Variants in GSS observed in about 807,000 individuals in gnomAD.
The protein encoded by GSS is glutathione synthetase.
Under a neutral mutation model 60.4 loss-of-function variants are expected in GSS, and 34 were observed. That is an observed-to-expected ratio of 0.56 (90% CI 0.43 to 0.75). The LOEUF (loss-of-function observed/expected upper bound fraction) is 0.75. Among genes scored for constraint, GSS ranks in the 30% least tolerant of loss-of-function variants. The pLI is 0.00. For synonymous variants in GSS, 224 were observed against 239.0 expected (o/e 0.94, Z 0.58); for missense variants, 499 against 595.1 (o/e 0.84, Z 1.68).
intron 11 of GSS, among the ~76,000 whole-genome samples, chr20:34,930,264 C>CAA (rs34585562): frequency 0.064 from 8,352 of 130,474 alleles, 804 homozygotes; most frequent in African/African-American, 0.22. Flanking sequence ...GAATCCGTCT[C>CAA]AAAAAAAAAA....
At chr20:34,943,695 C>A (rs753382657) in intron 3 of GSS, among the ~76,000 whole-genome samples, 1 of 152,172 alleles carries the variant, frequency 6.6e-6, no homozygotes, top group Non-Finnish European at 1.5e-5. Flanking sequence ...GAACTAAGAA[C>A]CACTCCTTTA....
At chr20:34,946,180 G>T in intron 2 of GSS, 82 bp from the exon 3 acceptor site, 2 of 1,232,314 alleles carry the variant, frequency 1.6e-6, no homozygotes, top group Non-Finnish European at 2.3e-6. Flanking sequence ...CCCATGGAAA[G>T]TCTGGCCTAT....
At position 34,951,853 on chromosome 20, in the gene GSS, C is replaced by T; in HGVS notation, c.-1G>A. On this transcript the variant is annotated 5_prime_UTR_variant, in exon 2 of 13. Transcript: ENST00000651619. ...AGAGGCTCCCCCAGTTGGTGGCCAT[C>T]CCAACACCTGCAAAAGATGGAGAGA... The T allele has an allele frequency of 6.2e-7, 1 of 1,614,108 alleles. No individual in the cohort carries two copies. The highest frequency in any genetic ancestry group is 1.1e-5 in the South Asian group (1 of 91,076).
intron 11 of GSS, among the ~76,000 whole-genome samples, chr20:34,930,259 C>A (rs936103271): frequency 1.5e-5 from 2 of 133,872 alleles, no homozygotes; most frequent in South Asian, 4.9e-4. Context: ...AGCGAGAATC[C>A]GTCTCAAAAA....
intron 1 of GSS, 86 bp from the exon 2 acceptor site, chr20:34,951,946 C>G: frequency 7.3e-7 from 1 of 1,371,674 alleles, no homozygotes; most frequent in Non-Finnish European, 1.0e-6. Flanking sequence ...ACCCCCAACA[C>G]AGCAGGACCC....
At position 34,931,934 on chromosome 20, in the gene GSS, C is replaced by A. The variant is rs373892398; in HGVS notation, c.1029+5G>T. ...TGTGGTAGGAGAAACAGGCTGCCCA[C>A]GTACCACATCCAGTGAGTAGAGGCC... is the stretch of plus-strand genomic sequence containing the variant. On this transcript the variant is annotated splice_donor_5th_base_variant and intron_variant, in intron 10 of 12. Transcript: ENST00000651619. The A allele has an allele frequency of 1.2e-6, 2 of 1,613,214 alleles. No homozygotes were observed. The highest frequency in any genetic ancestry group is 1.8e-4 in the Middle Eastern group (1 of 5,690).
rs1377322793 is a variant in GSS, at chr20:34,946,061, A to G, written c.167T>C (p.Leu56Pro). ...SYAPFTLFPS[L>P]VPSALLEQAY... Reference sequence around the variant, plus strand: ...TTGCTCCAGCAGGGCACTGGGGACCAGTGAGGGGAAGAGCGTGAATGGGGC... The same window carrying G: ...TTGCTCCAGCAGGGCACTGGGGACCGGTGAGGGGAAGAGCGTGAATGGGGC... Residue 56 changes from leucine (L) to proline (P), a missense_variant, in exon 3 of 13, where the codon CTG becomes CCG. Leu to Pro is a moderately conservative substitution (Grantham distance 98). Transcript: ENST00000651619. 3.7e-6 allele frequency: 6 copies of G among 1,613,778 alleles called. No individual in the cohort carries two copies. The Admixed American group carries it at 8.3e-5, about 22-fold the overall frequency.
At chr20:34,939,612 G>C (rs531233223) in intron 6 of GSS, among the ~76,000 whole-genome samples, 12 of 151,662 alleles carry the variant, frequency 7.9e-5, no homozygotes, top group African/African-American at 2.9e-4. Context: ...GCTGTTGTAT[G>C]AATTAAAACT....
At chr20:34,953,145 G>T (rs1600393887) in intron 1 of GSS, among the ~76,000 whole-genome samples, 1 of 152,226 alleles carries the variant, frequency 6.6e-6, no homozygotes, top group African/African-American at 2.4e-5. Context: ...GGCCTCAGGA[G>T]TTTAAGATCT....
chr20:34,929,370 T>C (rs1429096236), intron 12 of GSS, 31 bp downstream of exon 12: 4 of 1,575,196 alleles, frequency 2.5e-6, no homozygotes, highest in Admixed American at 1.7e-5. Flanking sequence ...TGCAAGCAGG[T>C]AGTGGAAAGA....
intron 1 of GSS, among the ~76,000 whole-genome samples, chr20:34,953,111 C>T (rs1569019582): frequency 6.6e-6 from 1 of 152,230 alleles, no homozygotes; most frequent in Non-Finnish European, 1.5e-5. Context: ...AACTCACACC[C>T]TGATACTCAT....
At chr20:34,931,451 TA>T (rs764399576) in intron 10 of GSS, 34 bp from the exon 11 acceptor site, 1 of 1,557,722 alleles carries the variant, frequency 6.4e-7, no homozygotes, top group Non-Finnish European at 8.9e-7. Flanking sequence ...ATCAAAAGTT[TA>T]AAGGCTAAAG....
chr20:34,946,333 A>G (rs912219640), intron 2 of GSS, among the ~76,000 whole-genome samples: 1 of 152,236 alleles, frequency 6.6e-6, no homozygotes, highest in African/African-American at 2.4e-5. Flanking sequence ...CAAAATGCAA[A>G]TAACAAAAAG....
In GSS at chr20:34,955,716, C is replaced by T. The variant is rs1295170860; in HGVS notation, c.-9+11G>A. The T allele has an allele frequency of 6.6e-6, 1 of 152,292 alleles. No homozygotes were observed. Among genetic ancestry groups the T allele is most frequent in the Non-Finnish European group, 1.5e-5 (1 of 68,076 alleles). 9.4% of individuals were successfully genotyped at this position (152,292 alleles called of 1,614,324 possible). A position where few individuals can be genotyped will look rare whatever the true frequency, so the allele number is the denominator to read the frequency against. On this transcript the variant is annotated intron_variant, in intron 1 of 12. Transcript: ENST00000651619. The stretch of plus-strand genomic sequence containing the variant: ...TGACCCATGCCGGCCGCCGTGGCCG[C>T]CCCAACCTACTAGTTCGCCTTTCCT...
chr20:34,943,020 C>G lies in GSS; in HGVS notation c.276-14G>C. The G allele has an allele frequency of 6.3e-7, 1 of 1,592,744 alleles. No individual in the cohort carries two copies. Among genetic ancestry groups the G allele is most frequent in the South Asian group, 1.1e-5 (1 of 89,470 alleles). Reference sequence around the variant, plus strand: ...TGTTTGATGGTGCTGGAGGAAGAAACAGAGAACATTTTGCAGGCTTAATTG... The same window carrying G: ...TGTTTGATGGTGCTGGAGGAAGAAAGAGAGAACATTTTGCAGGCTTAATTG... On this transcript the variant is annotated splice_polypyrimidine_tract_variant and intron_variant, in intron 3 of 12. Transcript: ENST00000651619.
intron 2 of GSS, 26 bp downstream of exon 2, chr20:34,951,698 G>A: frequency 6.3e-7 from 1 of 1,589,828 alleles, no homozygotes; most frequent in Non-Finnish European, 8.6e-7. Flanking sequence ...CATGGTGAAT[G>A]CTGTGGGGAG....
intron 9 of GSS, among the ~76,000 whole-genome samples, chr20:34,932,436 C>T (rs961084597): frequency 3.3e-5 from 5 of 152,180 alleles, no homozygotes; most frequent in Admixed American, 3.3e-4. Context: ...CCTACCATGG[C>T]CTTCAAGATC....
chr20:34,953,742 A>T (rs1291456758), intron 1 of GSS, among the ~76,000 whole-genome samples: 17 of 151,310 alleles, frequency 1.1e-4, no homozygotes, highest in South Asian at 2.1e-4. Flanking sequence ...CAGCCTCCCG[A>T]GTAGCTGGGA....
In GSS at chr20:34,928,769, G is replaced by A; in HGVS notation, c.*59C>T. The A allele has an allele frequency of 6.2e-7, 1 of 1,600,556 alleles. No individual in the cohort carries two copies. Among genetic ancestry groups the A allele is most frequent in the Non-Finnish European group, 8.6e-7 (1 of 1,168,128 alleles). ...GTCTTTAGGAGGATACCCCTCAGGA[G>A]GGCTAGGAGAGGAATGACAAATACA... is the stretch of plus-strand genomic sequence containing the variant. On this transcript the variant is annotated 3_prime_UTR_variant, in exon 13 of 13. Coordinates refer to ENST00000651619, the MANE Select transcript of GSS (RefSeq NM_000178.4).
Sources: gnomAD v4.1 joint callset for allele counts (sites outside exome capture counted in the v4.1 genomes callset) on GRCh38, gnomAD v4.1.1 for gene constraint, MANE v1.5 for transcripts, NCBI Gene and HGNC (gene_info 2026-07-23, HGNC 2026-07-21) for gene names.